SLC14A2: variants seen among roughly 807,000 people sequenced by gnomAD.
SLC14A2 encodes urea transporter 2.
A neutral mutation model predicts 104.6 loss-of-function variants in SLC14A2; 91 were observed. The ratio of observed to expected loss-of-function variants is 0.87; its 90% CI spans 0.73 to 1.04. SLC14A2 has a LOEUF of 1.04. Among genes scored for constraint, SLC14A2 ranks in the 50% least tolerant of loss-of-function variants. The probability of loss-of-function intolerance (pLI) is 0.00; values close to 1 mark genes in which losing one functional copy is unlikely to be tolerated. For missense variants in SLC14A2, 1,189 were observed against 1,156.0 expected, an observed-to-expected ratio of 1.03 and a Z score of -0.41; for synonymous variants, 476 against 466.4, an observed-to-expected ratio of 1.02 and a Z score of -0.27.
chr18:45,278,346 T>C (rs891432790), intron 1 of SLC14A2, among the ~76,000 whole-genome samples: 1 of 152,192 alleles, frequency 6.6e-6, no homozygotes, highest in African/African-American at 2.4e-5. Flanking sequence ...GTGCATTTTA[T>C]GATGTTCAGC....
intron 1 of SLC14A2, among the ~76,000 whole-genome samples, chr18:45,445,838 T>C (rs1293129552): frequency 6.6e-6 from 1 of 152,160 alleles, no homozygotes; most frequent in Non-Finnish European, 1.5e-5. Flanking sequence ...AAATTCCTAC[T>C]CTTAGAATTC....
chr18:45,474,436 A>G (rs556505198), intron 1 of SLC14A2, among the ~76,000 whole-genome samples: 80 of 152,256 alleles, frequency 5.3e-4, no homozygotes, highest in African/African-American at 1.8e-3. Context: ...TGTTTGGAAT[A>G]GTTTCAGAAG....
At chr18:45,582,022 C>G (rs1316916861) in intron 2 of SLC14A2, among the ~76,000 whole-genome samples, 1 of 152,178 alleles carries the variant, frequency 6.6e-6, no homozygotes, top group Admixed American at 6.5e-5. Context: ...CTGGGAAGTC[C>G]AAGAACATGG....
the SLC14A2 span, among the ~76,000 whole-genome samples, chr18:45,207,263 A>AG: frequency 6.6e-6 from 1 of 150,770 alleles, no homozygotes; most frequent in Admixed American, 6.6e-5. Flanking sequence ...GGAAAGGGAG[A>AG]GATGGAGACA....
chr18:45,509,029 A>G (rs1353921375), intron 2 of SLC14A2, among the ~76,000 whole-genome samples: 1 of 152,202 alleles, frequency 6.6e-6, no homozygotes, highest in East Asian at 1.9e-4. Flanking sequence ...CCCCAAACTC[A>G]GGGACTTCAG....
chr18:45,263,129 C>T (rs752672810), intron 1 of SLC14A2, among the ~76,000 whole-genome samples: 93 of 152,154 alleles, frequency 6.1e-4, no homozygotes, highest in Non-Finnish European at 1.3e-3. Flanking sequence ...CTCATTGGTC[C>T]TAAATCTCCT....
intron 1 of SLC14A2, among the ~76,000 whole-genome samples, chr18:45,282,175 T>C (rs2084769057): frequency 6.6e-6 from 1 of 152,094 alleles, no homozygotes; most frequent in Admixed American, 6.6e-5. Context: ...AGAGAAGGGT[T>C]TGAGAACTGG....
At chr18:45,336,463 C>G (rs572808040) in intron 1 of SLC14A2, among the ~76,000 whole-genome samples, 1 of 152,012 alleles carries the variant, frequency 6.6e-6, no homozygotes, top group Non-Finnish European at 1.5e-5. Context: ...CCACTGAGAT[C>G]CTAAGATGCT....
chr18:45,625,339 T>C (rs1207667236), intron 2 of SLC14A2, among the ~76,000 whole-genome samples: 1 of 152,238 alleles, frequency 6.6e-6, no homozygotes, highest in African/African-American at 2.4e-5. Flanking sequence ...TTAGTAAGAT[T>C]ATAACTGCAT....
At chr18:45,627,621 C>T (rs572373762) in intron 4 of SLC14A2, among the ~76,000 whole-genome samples, 11 of 152,176 alleles carry the variant, frequency 7.2e-5, no homozygotes, top group Admixed American at 5.9e-4. Context: ...TGGGAAGGGG[C>T]ACTGAGGAAG....
rs535633075 is a variant in SLC14A2 at position 45,515,761 on chromosome 18, G to A, written c.-35+32439G>A. ...GGAGAGCAGGCCTGGGCAAAGGAAC[G>A]AATTGGTGCAATCATTGGGTTTGTA... On this transcript the variant is annotated intron_variant, in intron 2 of 20. Transcript: ENST00000586448. Among the ~76,000 whole-genome samples, 239 of 152,354 alleles carry A rather than the reference G, an allele frequency of 1.6e-3. 1 individual carries two copies. Among genetic ancestry groups the A allele is most frequent in the Non-Finnish European group, 3.0e-3 (205 of 68,038 alleles).
the SLC14A2 span, among the ~76,000 whole-genome samples, chr18:45,175,416 TA>T: frequency 6.3e-4 from 95 of 151,508 alleles, no homozygotes; most frequent in East Asian, 2.9e-3. Context: ...AGAAAACGTT[TA>T]AAAAAAAATC....
rs113120525 is a variant in SLC14A2 at position 45,382,244 on chromosome 18, G to T, written c.-124-100989G>T. Among the ~76,000 whole-genome samples the T allele has an allele frequency of 6.3e-3, 961 of 152,224 alleles. 18 individuals carry two copies. Among genetic ancestry groups the T allele is most frequent in the African/African-American group, 0.022 (917 of 41,516 alleles). ...GAGTATGCTTAAGTTATTGCTATCA[G>T]GTGTGTTTACCATACAAATACTTGT... On this transcript the variant is annotated intron_variant, in intron 1 of 20. Coordinates refer to the SLC14A2 transcript ENST00000586448.
intron 1 of SLC14A2, among the ~76,000 whole-genome samples, chr18:45,445,396 C>T (rs574867099): frequency 2.0e-4 from 31 of 152,312 alleles, no homozygotes; most frequent in African/African-American, 7.2e-4. Flanking sequence ...AGGCGTGAGC[C>T]ACCAAGCCTG....
intron 1 of SLC14A2, among the ~76,000 whole-genome samples, chr18:45,233,868 C>G (rs1442991224): frequency 6.7e-6 from 1 of 150,300 alleles, no homozygotes; most frequent in Admixed American, 6.7e-5. Context: ...TTCTTACCTT[C>G]TCACTTCCAC....
chr18:45,400,921 C>A (rs189228075), intron 1 of SLC14A2, among the ~76,000 whole-genome samples: 1 of 152,206 alleles, frequency 6.6e-6, no homozygotes, highest in South Asian at 2.1e-4. Context: ...CTCCTGTGTC[C>A]TTTTCATCTG....
chr18:45,492,827 TG>T (rs2144733134), intron 2 of SLC14A2, among the ~76,000 whole-genome samples: 1 of 152,342 alleles, frequency 6.6e-6, no homozygotes, highest in East Asian at 1.9e-4. Flanking sequence ...ATAGATGAGG[TG>T]CTGCTTTCCT....
intron 2 of SLC14A2, among the ~76,000 whole-genome samples, chr18:45,596,042 T>G (rs935462325): frequency 1.3e-5 from 2 of 152,214 alleles, no homozygotes; most frequent in African/African-American, 2.4e-5. Context: ...CAGTACGGAC[T>G]GGAGGAAAGC....
At chr18:45,509,711 C>T (rs1446987731) in intron 2 of SLC14A2, among the ~76,000 whole-genome samples, 1 of 152,190 alleles carries the variant, frequency 6.6e-6, no homozygotes, top group Non-Finnish European at 1.5e-5. Flanking sequence ...CCCATCCCTG[C>T]CTCCCTTGGA....
Sources: gnomAD v4.1 joint callset for allele counts (sites outside exome capture counted in the v4.1 genomes callset) on GRCh38, gnomAD v4.1.1 for gene constraint, MANE v1.5 for transcripts, NCBI Gene and HGNC (gene_info 2026-07-23, HGNC 2026-07-21) for gene names.